AKAP9: variants seen among roughly 807,000 people sequenced by gnomAD.
AKAP9 encodes the protein A-kinase anchor protein 9.
In AKAP9, 311 loss-of-function variants were observed where a neutral mutation model predicts 488.5. The ratio of observed to expected loss-of-function variants is 0.64; its 90% CI spans 0.58 to 0.70. AKAP9 has a LOEUF of 0.70. AKAP9 is among the 30% of genes least tolerant of loss of function. The probability of loss-of-function intolerance (pLI) is 0.00; values close to 1 mark genes in which losing one functional copy is unlikely to be tolerated. For missense variants in AKAP9, 4,215 were observed against 4,374.5 expected (o/e 0.96, Z 1.03); for synonymous variants, 1,462 against 1,483.5 (o/e 0.99, Z 0.33).
chr7:92,043,370 A>C (rs1465192050), intron 20 of AKAP9: 1 of 973,720 alleles, frequency 1.0e-6, no homozygotes, highest in East Asian at 1.1e-4. Context: ...TCAAACAAGA[A>C]AGACAGTGTA....
chr7:91,970,065 G>A (rs995036208), intron 1 of AKAP9, among the ~76,000 whole-genome samples: 2 of 150,500 alleles, frequency 1.3e-5, no homozygotes, highest in Admixed American at 1.3e-4. Context: ...TTTTTTATTT[G>A]TAGTGAATTT....
rs1317676887 is a variant in AKAP9 at position 92,084,824 on chromosome 7, G to A, written c.8716G>A (p.Gly2906Arg). Reference protein sequence around the residue: ...QTREICSSDSGSDWGQGIYLT... With the variant: ...QTREICSSDSRSDWGQGIYLT... ...AATTATTTTCTTTATTTTAGATTCT[G>A]GATCAGACTGGGGTCAGGGAATTTA... Residue 2906 changes from glycine to arginine, a missense_variant, in exon 35 of 50, where the codon GGA (glycine) becomes AGA (arginine). This residue lies in a region of AKAP9 where 1,476 missense variants were observed against 1,477.4 expected (regional missense o/e 1.00). Coordinates refer to ENST00000356239, the MANE Select transcript of AKAP9 (RefSeq NM_005751.5). The A allele has an allele frequency of 1.4e-5, 23 of 1,612,512 alleles. No individual in the cohort carries two copies. The highest frequency in any genetic ancestry group is 2.2e-5 in the East Asian group (1 of 44,782).
chr7:92,080,321 A>G (rs979748935), intron 31 of AKAP9, among the ~76,000 whole-genome samples, 169 bp downstream of exon 31: 2 of 152,208 alleles, frequency 1.3e-5, no homozygotes, highest in Non-Finnish European at 2.9e-5. Context: ...AAACTAGGAC[A>G]GGCGCGGTGG....
intron 38 of AKAP9, among the ~76,000 whole-genome samples, chr7:92,091,576 A>C (rs1815589020): frequency 7.3e-6 from 1 of 136,944 alleles, no homozygotes; most frequent in Admixed American, 7.9e-5. Flanking sequence ...ACAGGGCAAG[A>C]CTCTGTCTCA....
At position 92,031,613 on chromosome 7, in the gene AKAP9, A is replaced by G; in HGVS notation, c.4338+9A>G. On this transcript the variant is annotated intron_variant, in intron 16 of 49. Transcript: ENST00000356239. ...AAGAAGAAGTAGCTAAGGTAGGCTTATAGCTTATCTGGAAGATTATCTTGG... is the reference window on the plus strand; with the variant it reads ...AAGAAGAAGTAGCTAAGGTAGGCTTGTAGCTTATCTGGAAGATTATCTTGG... The G allele has an allele frequency of 1.3e-6, 2 of 1,573,410 alleles. No homozygotes were observed. Among genetic ancestry groups the G allele is most frequent in the Non-Finnish European group, 1.7e-6 (2 of 1,143,570 alleles).
intron 7 of AKAP9, among the ~76,000 whole-genome samples, chr7:91,998,615 A>C (rs1332966685): frequency 1.3e-5 from 2 of 151,624 alleles, no homozygotes; most frequent in Non-Finnish European, 2.9e-5. Flanking sequence ...ATTAAATGAT[A>C]CTGTTTTATG....
At chr7:91,973,689 C>T (rs748409524) in intron 1 of AKAP9, 22 bp from the exon 2 acceptor site, 28 of 1,611,026 alleles carry the variant, frequency 1.7e-5, no homozygotes, top group African/African-American at 2.7e-5. Context: ...TTGACAATAA[C>T]GGTTATTTTC....
intron 18 of AKAP9, 170 bp downstream of exon 18, chr7:92,041,068 A>G: frequency 1.7e-6 from 1 of 591,118 alleles, no homozygotes; most frequent in African/African-American, 1.9e-5. Flanking sequence ...AACACACTCT[A>G]TACTAAGACA....
intron 12 of AKAP9, among the ~76,000 whole-genome samples, chr7:92,018,396 A>ACG (rs1491446531): frequency 8.0e-5 from 1 of 12,452 alleles, no homozygotes. Context: ...TAAAAATATA[A>ACG]CACACACACA....
In AKAP9 at chr7:92,012,652, T is replaced by C. The variant is rs774786749; in HGVS notation, c.3532+10T>C. ...AAAACACAAGAAACAGGTAAAATGGTTTCTGACTTATAAGTACCATGATCC... is the reference window on the plus strand; with the variant it reads ...AAAACACAAGAAACAGGTAAAATGGCTTCTGACTTATAAGTACCATGATCC... On this transcript the variant is annotated intron_variant, in intron 9 of 49. Coordinates refer to ENST00000356239, the MANE Select transcript of AKAP9 (RefSeq NM_005751.5). 1.9e-6 allele frequency: 3 copies of C among 1,591,670 alleles called. No homozygotes were observed. Among genetic ancestry groups the C allele is most frequent in the South Asian group, 1.1e-5 (1 of 90,184 alleles).
intron 8 of AKAP9, among the ~76,000 whole-genome samples, chr7:92,003,671 A>G (rs1021148232): frequency 4.6e-5 from 7 of 152,044 alleles, no homozygotes; most frequent in Admixed American, 2.0e-4. Flanking sequence ...AATAGTCTCT[A>G]TAGTTGTTAG....
chr7:92,081,476 TA>T (rs1813548076), intron 31 of AKAP9, among the ~76,000 whole-genome samples: 6 of 51,842 alleles, frequency 1.2e-4, no homozygotes, highest in Admixed American at 6.1e-4. Flanking sequence ...GGCTAATTTA[TA>T]TATATATATA....
intron 49 of AKAP9, among the ~76,000 whole-genome samples, chr7:92,109,919 C>A (rs1819091453): frequency 6.6e-6 from 1 of 152,104 alleles, no homozygotes; most frequent in Admixed American, 6.5e-5. Flanking sequence ...CCACTGAATT[C>A]CAGCCTGGGC....
chr7:92,097,751 G>T lies in AKAP9; in HGVS notation c.10564G>T (p.Val3522Leu). 1 of 1,614,204 alleles carries T rather than the reference G, an allele frequency of 6.2e-7. No homozygotes were observed. Among genetic ancestry groups the T allele is most frequent in the Non-Finnish European group, 8.5e-7 (1 of 1,180,010 alleles). Reference protein sequence around the residue: ...LEMIRQKLQCVASKLQVLPQK... With the variant: ...LEMIRQKLQCLASKLQVLPQK... ...AATGATCAGACAAAAGCTTCAATGT[G>T]TAGCTTCAAAACTACAGGTTCTACC... is the stretch of plus-strand genomic sequence containing the variant. The change falls in exon 42 of 50, where the codon GTA becomes TTA. Residue 3522 changes from valine to leucine, a missense_variant. Val to Leu is a conservative substitution (Grantham distance 32, BLOSUM62 1). Around this residue, in one of 5 missense-constraint regions of AKAP9, gnomAD observed 1,476 missense variants for 1,477.4 expected, o/e 1.00. Transcript: ENST00000356239.
chr7:92,058,261 C>T (rs371318710), intron 22 of AKAP9: 13 of 587,086 alleles, frequency 2.2e-5, no homozygotes, highest in Admixed American at 7.5e-5. Context: ...TTGAATCTCG[C>T]GTGCCTTTAC....
chr7:92,108,915 G>C, intron 49 of AKAP9: 1 of 487,798 alleles, frequency 2.1e-6, no homozygotes, highest in South Asian at 2.0e-5. Context: ...TGCACAATGA[G>C]CACCAGTGTG....
chr7:91,949,874 G>A (rs1384587739), intron 1 of AKAP9, among the ~76,000 whole-genome samples: 1 of 152,084 alleles, frequency 6.6e-6, no homozygotes, highest in Non-Finnish European at 1.5e-5. Context: ...GTTACCATCA[G>A]AGTTAAGATT....
In AKAP9 at chr7:92,084,808, C is replaced by A. The variant is rs1814223004; in HGVS notation, c.8711-11C>A. On this transcript the variant is annotated splice_polypyrimidine_tract_variant and intron_variant, in intron 34 of 49. Coordinates refer to ENST00000356239, the MANE Select transcript of AKAP9 (RefSeq NM_005751.5). Reference sequence around the variant, plus strand: ...TTTTTTTTTAACAGCAAATTATTTTCTTTATTTTAGATTCTGGATCAGACT... The same window carrying A: ...TTTTTTTTTAACAGCAAATTATTTTATTTATTTTAGATTCTGGATCAGACT... 7 of 1,605,096 alleles carry A rather than the reference C, an allele frequency of 4.4e-6. No individual in the cohort carries two copies. The highest frequency in any genetic ancestry group is 1.4e-5 in the African/African-American group (1 of 73,864).
chr7:91,992,163 T>C lies in AKAP9; in HGVS notation c.357T>C (p.Asn119=). 1 of 1,608,814 alleles carries C rather than the reference T, an allele frequency of 6.2e-7. No individual in the cohort carries two copies. Among genetic ancestry groups the C allele is most frequent in the Non-Finnish European group, 8.5e-7 (1 of 1,175,342 alleles). ...AGGAAATTGTTTTTATACAGGTAAA[T>C]GGTTGCAGTTTTGTGATGAGAACAG... is the stretch of plus-strand genomic sequence containing the variant. ...TTADDCSSEV[N]GCSFVMRTGK... Residue 119 remains asparagine, a synonymous_variant, in exon 4 of 50, where the codon AAT becomes AAC. Coordinates refer to ENST00000356239, the MANE Select transcript of AKAP9 (RefSeq NM_005751.5).
Sources: allele counts gnomAD v4.1 joint callset (sites outside exome capture counted in the v4.1 genomes callset), GRCh38; gene constraint gnomAD v4.1.1; regional missense constraint gnomAD v4.1.1; transcripts MANE v1.5; gene names NCBI Gene and HGNC (gene_info 2026-07-23, HGNC 2026-07-21).